Variants in POTEH observed in about 807,000 individuals in gnomAD.
POTEH encodes POTE ankyrin domain family member H.
A neutral mutation model predicts 41.7 loss-of-function variants in POTEH; 6 were observed. The observed-to-expected ratio is 0.14, with a 90% CI of 0.08 to 0.28. The LOEUF is 0.28. Among genes scored for constraint, POTEH ranks in the 10% least tolerant of loss-of-function variants. POTEH has a pLI of 1.00. For synonymous variants in POTEH, 38 were observed against 179.9 expected, an observed-to-expected ratio of 0.21 and a Z score of 6.31; for missense variants, 115 against 533.5, an observed-to-expected ratio of 0.22 and a Z score of 7.73.
chr22:15,712,862 G>A (rs1296019531), intron 9 of POTEH, among the ~76,000 whole-genome samples: 3 of 147,344 alleles, frequency 2.0e-5, no homozygotes, highest in Non-Finnish European at 4.5e-5. Context: ...AGTATTTCTT[G>A]GTCTTTATGT....
rs1556022223 is a variant in POTEH, at chr22:15,690,044, G to C, written c.-34G>C. 9 of 1,397,300 alleles carry C rather than the reference G, an allele frequency of 6.4e-6. 1 individual carries two copies. The highest frequency in any genetic ancestry group is 7.9e-6 in the Non-Finnish European group (8 of 1,007,720). The allele number at this position is 1,397,300 out of a possible 1,614,324, so 86.6% of individuals were successfully genotyped here. A position where few individuals can be genotyped will look rare whatever the true frequency, so the allele number is the denominator to read the frequency against. ...ACTGGTTGGTAGACGCGATCTGCTG[G>C]CTACTACCGGCCTTCCCTGGCTGTT... On this transcript the variant is annotated 5_prime_UTR_variant, in exon 1 of 11. Coordinates refer to ENST00000343518, the MANE Select transcript of POTEH (RefSeq NM_001136213.1).
intron 1 of POTEH, among the ~76,000 whole-genome samples, chr22:15,695,167 CT>C (rs1164356428): frequency 5.7e-3 from 1 of 176 alleles, no homozygotes; most frequent in African/African-American, 0.023. Context: ...GGGCTATGCT[CT>C]TTGTATTCAT....
rs927697244 is a variant in POTEH, at chr22:15,703,654, A to G, written c.1237+898A>G. 7.4e-5 allele frequency among the ~76,000 whole-genome samples: 11 copies of G among 149,208 alleles called. 1 individual carries two copies. The highest frequency in any genetic ancestry group is 2.7e-4 in the African/African-American group (11 of 40,188). On this transcript the variant is annotated intron_variant, in intron 6 of 10. Coordinates refer to ENST00000343518, the MANE Select transcript of POTEH (RefSeq NM_001136213.1). ...AGTAGAAAAATGTTTCACACTCACA[A>G]AAATGCTAGTATGCTACCTGATTGT...
At chr22:15,705,230 A>AG (rs1193602330) in intron 6 of POTEH, among the ~76,000 whole-genome samples, 3 of 125,052 alleles carry the variant, frequency 2.4e-5, no homozygotes, top group African/African-American at 9.1e-5. Flanking sequence ...CTTTTGCAGT[A>AG]GTCAGCTATG....
intron 1 of POTEH, among the ~76,000 whole-genome samples, chr22:15,691,864 T>C (rs1415980277): frequency 2.0e-5 from 3 of 149,012 alleles, no homozygotes; most frequent in African/African-American, 7.3e-5. Flanking sequence ...TAATTCATTT[T>C]TGGAGAAAAC....
chr22:15,693,150 C>A (rs1243176228), intron 1 of POTEH, among the ~76,000 whole-genome samples: 3 of 133,994 alleles, frequency 2.2e-5, no homozygotes, highest in African/African-American at 8.1e-5. Context: ...TACACATATA[C>A]ACGAACAGAA....
rs1365896222 is a variant in POTEH, at chr22:15,700,062, ATC to A, written c.1029-12_1029-11del. The A allele has an allele frequency of 3.7e-6, 6 of 1,611,064 alleles. No homozygotes were observed. Among genetic ancestry groups the A allele is most frequent in the Non-Finnish European group, 5.1e-6 (6 of 1,179,386 alleles). ...TTAAAATAACTTTATTACTGTTCCT[ATC>A]TCTGTCATTTTAGAACTGCTCTCAT... On this transcript the variant is annotated splice_polypyrimidine_tract_variant and intron_variant, in intron 4 of 10. Transcript: ENST00000343518.
chr22:15,690,813 C>T (rs1989287994), intron 1 of POTEH, 104 bp downstream of exon 1: 5 of 1,345,512 alleles, frequency 3.7e-6, no homozygotes, highest in Admixed American at 2.1e-5. Context: ...CTCCACAGGC[C>T]TCACACCACC....
chr22:15,708,726 G>T, intron 7 of POTEH, among the ~76,000 whole-genome samples: 1 of 75,832 alleles, frequency 1.3e-5, no homozygotes, highest in Non-Finnish European at 2.5e-5. Flanking sequence ...CTTTCCTTTT[G>T]GAATAGAGGC....
chr22:15,710,357 AG>A (rs1201578513), intron 8 of POTEH, among the ~76,000 whole-genome samples: 8 of 150,514 alleles, frequency 5.3e-5, no homozygotes, highest in African/African-American at 2.0e-4. Context: ...GAATGCTCAA[AG>A]GCAGTGGGGG....
rs1451643674 is a variant in POTEH, at chr22:15,693,077, T to TAGAG, written c.633-2292_633-2289dup. ...TGTAACTATTGAGGGTGTCAGTACA[T>TAGAG]AGAGATATGTCGACATGCAAAGATG... On this transcript the variant is annotated intron_variant, in intron 1 of 10. Transcript: ENST00000343518. 2.4e-5 allele frequency among the ~76,000 whole-genome samples: 3 copies of TAGAG among 126,870 alleles called. 1 individual carries two copies. Among genetic ancestry groups the TAGAG allele is most frequent in the African/African-American group, 8.4e-5 (3 of 35,654 alleles). The allele number at this position is 126,870 out of a possible 152,430, so 83.2% of individuals were successfully genotyped here.
At chr22:15,713,260 A>G (rs1989856907) in intron 9 of POTEH, among the ~76,000 whole-genome samples, 1 of 152,300 alleles carries the variant, frequency 6.6e-6, no homozygotes. Context: ...TTTTCTGTAA[A>G]TAAATCTATG....
Position 15,690,342 on chromosome 22 carries a change from T to G in POTEH, c.265T>G (p.Ser89Ala), listed in dbSNP as rs1281708718. 6.5e-6 allele frequency: 9 copies of G among 1,384,948 alleles called. No homozygotes were observed. Among genetic ancestry groups the G allele is most frequent in the South Asian group, 1.2e-5 (1 of 85,262 alleles). The allele number at this position is 1,384,948 out of a possible 1,614,324, so 85.8% of individuals were successfully genotyped here. A position where few individuals can be genotyped will look rare whatever the true frequency, so the allele number is the denominator to read the frequency against. The change falls in exon 1 of 11, where the codon TCT (serine) becomes GCT (alanine). Residue 89 changes from serine to alanine, a missense_variant. Physicochemically the swap from Ser to Ala is moderately conservative, Grantham distance 99 (BLOSUM62 1). Coordinates refer to ENST00000343518, the MANE Select transcript of POTEH (RefSeq NM_001136213.1). ...GGGCACTTCTGGAGACCACGACGATTCTGCTATGAAGACACTCAGGAGCAA... is the reference window on the plus strand; with the variant it reads ...GGGCACTTCTGGAGACCACGACGATGCTGCTATGAAGACACTCAGGAGCAA... ...NVGTSGDHDD[S>A]AMKTLRSKMG...
Position 15,690,555 on chromosome 22 carries a change from T to G in POTEH, c.478T>G (p.Tyr160Asp). The stretch of plus-strand genomic sequence containing the variant: ...GAACAAAGTGGGCCCTTGGGGAGAC[T>G]ACGACGACAGCGCTTTCATGGAGCC... ...GKNKVGPWGD[Y>D]DDSAFMEPRY... is the part of the protein sequence containing the mutation. Residue 160 changes from tyrosine (Y) to aspartate (D), a missense_variant, in exon 1 of 11, where the codon TAC becomes GAC. Tyr to Asp is a radical substitution (Grantham distance 160, BLOSUM62 -3). Coordinates refer to ENST00000343518, the MANE Select transcript of POTEH (RefSeq NM_001136213.1). 7.0e-7 allele frequency: 1 copy of G among 1,424,072 alleles called. No individual in the cohort carries two copies. Among genetic ancestry groups the G allele is most frequent in the Non-Finnish European group, 9.7e-7 (1 of 1,026,138 alleles). The allele number at this position is 1,424,072 out of a possible 1,614,324, so 88.2% of individuals were successfully genotyped here.
rs536831986 is a variant in POTEH, at chr22:15,719,534, C to CT, written c.1521-123dup. 1.9e-4 allele frequency: 155 copies of CT among 801,686 alleles called. 24 individuals carry two copies. In the South Asian group the frequency reaches 2.6e-3, roughly 13 times the overall value. The allele number at this position is 801,686 out of a possible 1,614,324, so 49.7% of individuals were successfully genotyped here. A position where few individuals can be genotyped will look rare whatever the true frequency, so the allele number is the denominator to read the frequency against. On this transcript the variant is annotated intron_variant, in intron 9 of 10. Transcript: ENST00000343518. ...TACTCGGTTAACAGATGTGAGACCC[C>CT]TTTGCCTTGTATTGGAATAATGTGC...
chr22:15,694,658 T>C (rs1171344173), intron 1 of POTEH, among the ~76,000 whole-genome samples: 4 of 138,342 alleles, frequency 2.9e-5, no homozygotes, highest in African/African-American at 1.0e-4. Context: ...GCCCCAGACC[T>C]GTTACATTAT....
chr22:15,705,361 T>C (rs1314327605), intron 6 of POTEH, among the ~76,000 whole-genome samples: 2 of 118,706 alleles, frequency 1.7e-5, no homozygotes, highest in African/African-American at 6.3e-5. Context: ...GCCTTTTTTT[T>C]TTTTTTTTTT....
At chr22:15,713,248 T>A (rs1263121871) in intron 9 of POTEH, among the ~76,000 whole-genome samples, 13 of 151,712 alleles carry the variant, frequency 8.6e-5, no homozygotes, top group African/African-American at 2.7e-4. Context: ...TTATCACTAC[T>A]TTTTTCTGTA....
At chr22:15,699,424 A>T (rs1360161456) in intron 4 of POTEH, 1 of 183,988 alleles carries the variant, frequency 5.4e-6, no homozygotes, top group African/African-American at 2.4e-5. Flanking sequence ...AAGAGAAAAA[A>T]GTTAGGCTTT....
Sources: gnomAD v4.1 joint callset for allele counts (sites outside exome capture counted in the v4.1 genomes callset) on GRCh38, gnomAD v4.1.1 for gene constraint, MANE v1.5 for transcripts, NCBI Gene and HGNC (gene_info 2026-07-23, HGNC 2026-07-21) for gene names.